The following PSD3 variants were observed in gnomAD, a reference collection of about 807,000 sequenced individuals.
PSD3 encodes PH and SEC7 domain-containing protein 3.
In PSD3, 49 loss-of-function variants were observed where a neutral mutation model predicts 105.5. The observed-to-expected ratio is 0.46, with a 90% CI of 0.37 to 0.59. The LOEUF is 0.59. Among genes scored for constraint, PSD3 ranks in the 20% least tolerant of loss-of-function variants. The probability of loss-of-function intolerance (pLI) is 0.00; values close to 1 mark genes in which losing one functional copy is unlikely to be tolerated. For synonymous variants in PSD3, 557 were observed against 457.8 expected (o/e 1.22, Z -2.77); for missense variants, 1,561 against 1,263.8 (o/e 1.24, Z -3.57).
At chr8:19,084,077 C>A (rs1375216763) in intron 1 of PSD3, 14 of 349,968 alleles carry the variant, frequency 4.0e-5, no homozygotes, top group Non-Finnish European at 6.9e-5. Flanking sequence ...CTCGTGGGTA[C>A]CTCTGCTGTT....
In PSD3 at chr8:18,712,144, C is replaced by T. The variant is rs144907183; in HGVS notation, c.2172+53305G>A. Among the ~76,000 whole-genome samples the T allele has an allele frequency of 3.4e-4, 52 of 152,116 alleles. No homozygotes were observed. The East Asian group carries it at 9.9e-3, about 29-fold the overall frequency. On this transcript the variant is annotated intron_variant, in intron 9 of 15. Transcript: ENST00000327040. ...AAAGCAATGTTAAGAGGGACATTTA[C>T]AGTACTAAATGCCCACAGCAAAAAG...
intron 11 of PSD3, among the ~76,000 whole-genome samples, chr8:18,603,044 C>T (rs1295775337): frequency 6.6e-6 from 1 of 152,230 alleles, no homozygotes; most frequent in Non-Finnish European, 1.5e-5. Context: ...CAGGCTTTAA[C>T]TACAAGGGCT....
At chr8:18,828,706 A>G (rs1194676711) in intron 4 of PSD3, among the ~76,000 whole-genome samples, 1 of 152,296 alleles carries the variant, frequency 6.6e-6, no homozygotes, top group Non-Finnish European at 1.5e-5. Flanking sequence ...CATGCCTGAA[A>G]TCCCAGCATT....
At chr8:18,987,523 G>C (rs145078146) in intron 1 of PSD3, among the ~76,000 whole-genome samples, 15,768 of 151,934 alleles carry the variant, frequency 0.1, 1,075 homozygotes, top group Non-Finnish European at 0.16. Flanking sequence ...TCCTGACCTC[G>C]TGATCCACCC....
At chr8:18,887,826 T>C (rs1374456088) in intron 2 of PSD3, among the ~76,000 whole-genome samples, 1 of 152,140 alleles carries the variant, frequency 6.6e-6, no homozygotes, top group Non-Finnish European at 1.5e-5. Context: ...TGATAAGTAA[T>C]AATATAAGCA....
chr8:18,797,174 G>T (rs1810261348), intron 8 of PSD3, among the ~76,000 whole-genome samples: 1 of 152,140 alleles, frequency 6.6e-6, no homozygotes, highest in African/African-American at 2.4e-5. Context: ...ACTTGTAACA[G>T]CATGCATTAT....
At chr8:19,050,188 T>C (rs1828472675) in intron 1 of PSD3, among the ~76,000 whole-genome samples, 2 of 152,196 alleles carry the variant, frequency 1.3e-5, no homozygotes, top group African/African-American at 4.8e-5. Flanking sequence ...GAAAGTGTTC[T>C]AATTAAAATG....
chr8:18,822,014 C>G (rs1812783923), intron 4 of PSD3, among the ~76,000 whole-genome samples: 1 of 152,036 alleles, frequency 6.6e-6, no homozygotes, highest in African/African-American at 2.4e-5. Flanking sequence ...CCTTAGTACC[C>G]TTAGCAAAGA....
At chr8:18,684,250 A>ACC (rs1554470535) in intron 9 of PSD3, 71 of 170,540 alleles carry the variant, frequency 4.2e-4, no homozygotes, top group East Asian at 4.1e-3. Flanking sequence ...ACACACACAC[A>ACC]CCCCATCATA....
chr8:18,842,961 CAT>C (rs1814769573), intron 4 of PSD3, among the ~76,000 whole-genome samples: 1 of 152,170 alleles, frequency 6.6e-6, no homozygotes, highest in African/African-American at 2.4e-5. Context: ...CATACATTTT[CAT>C]ATCATTCTTT....
At chr8:18,540,497 T>C (rs990225903) in intron 15 of PSD3, among the ~76,000 whole-genome samples, 2 of 152,208 alleles carry the variant, frequency 1.3e-5, no homozygotes, top group Admixed American at 1.3e-4. Context: ...AGAAGGAAAT[T>C]TGACAATAAA....
At chr8:19,012,508 C>T (rs777716202) in intron 1 of PSD3, among the ~76,000 whole-genome samples, 1 of 152,158 alleles carries the variant, frequency 6.6e-6, no homozygotes, top group Non-Finnish European at 1.5e-5. Context: ...CAATCAACCC[C>T]TCCCTTTCAA....
At chr8:19,054,624 T>C (rs902246438) in intron 1 of PSD3, among the ~76,000 whole-genome samples, 3 of 152,246 alleles carry the variant, frequency 2.0e-5, no homozygotes, top group African/African-American at 7.2e-5. Context: ...TACCTTTGGA[T>C]ATCTGCCAGA....
intron 1 of PSD3, among the ~76,000 whole-genome samples, chr8:18,994,337 T>C (rs972325480): frequency 1.3e-5 from 2 of 152,156 alleles, no homozygotes; most frequent in African/African-American, 4.8e-5. Flanking sequence ...CATTTGTTTT[T>C]ACGGTAGATT....
At chr8:18,764,045 C>T (rs1052910804) in intron 9 of PSD3, among the ~76,000 whole-genome samples, 1 of 152,162 alleles carries the variant, frequency 6.6e-6, no homozygotes, top group African/African-American at 2.4e-5. Flanking sequence ...ATTAACCATA[C>T]ACGGTTTCAT....
chr8:19,070,350 T>C (rs986292692), intron 1 of PSD3, among the ~76,000 whole-genome samples: 1 of 140,944 alleles, frequency 7.1e-6, no homozygotes, highest in Non-Finnish European at 1.5e-5. Context: ...TTTACACTAT[T>C]GTATTAGTAT....
chr8:18,782,929 GGTTT>G (rs1808780626), intron 8 of PSD3, among the ~76,000 whole-genome samples: 1 of 152,168 alleles, frequency 6.6e-6, no homozygotes, highest in African/African-American at 2.4e-5. Context: ...TGTTGAATTA[GGTTT>G]GTTTTAGAAT....
Position 18,600,038 on chromosome 8 carries a change from G to C in PSD3, c.2481+326C>G, listed in dbSNP as rs1032966068. The stretch of plus-strand genomic sequence containing the variant: ...TTGAACACAAACACTGCGATAGCTG[G>C]ACAGCTGATGTCATCACAGAGATGT... On this transcript the variant is annotated intron_variant, in intron 12 of 15. Transcript: ENST00000327040. Among the ~76,000 whole-genome samples, 3 of 152,272 alleles carry C rather than the reference G, an allele frequency of 2.0e-5. No homozygotes were observed. The East Asian group carries it at 5.8e-4, about 29-fold the overall frequency.
At chr8:19,037,451 G>A (rs1046160988) in intron 1 of PSD3, among the ~76,000 whole-genome samples, 3 of 152,214 alleles carry the variant, frequency 2.0e-5, no homozygotes, top group Admixed American at 1.3e-4. Context: ...TGTGATGGCC[G>A]ATTTCATGTA....
Sources: allele counts gnomAD v4.1 joint callset (sites outside exome capture counted in the v4.1 genomes callset), GRCh38; gene constraint gnomAD v4.1.1; transcripts MANE v1.5; gene names NCBI Gene and HGNC (gene_info 2026-07-23, HGNC 2026-07-21).